Variants in TFB1M observed in about 807,000 individuals in gnomAD.
TFB1M encodes transcription factor B1, mitochondrial, also known as dimethyladenosine transferase 1, mitochondrial.
In TFB1M, 27 loss-of-function variants were observed where a neutral mutation model predicts 31.1. The observed-to-expected ratio is 0.87, with a 90% confidence interval of 0.64 to 1.20. The LOEUF (loss-of-function observed/expected upper bound fraction) is 1.20. TFB1M is among the 50% of genes most tolerant of loss of function. The pLI, the probability that TFB1M is intolerant of heterozygous loss-of-function variation, is 0.00. For synonymous variants in TFB1M, 166 were observed against 151.8 expected, an observed-to-expected ratio of 1.09 and a Z score of -0.69; for missense variants, 394 against 418.7, an observed-to-expected ratio of 0.94 and a Z score of 0.51.
At chr6:155,247,480 C>G in the TFB1M span, among the ~76,000 whole-genome samples, 14 of 152,108 alleles carry the variant, frequency 9.2e-5, no homozygotes. Flanking sequence ...AGGCGCCCAC[C>G]ACCACGCCCG....
At chr6:155,299,278 A>C (rs545498258) in intron 2 of TFB1M, among the ~76,000 whole-genome samples, 74 of 152,274 alleles carry the variant, frequency 4.9e-4, no homozygotes, top group African/African-American at 1.7e-3. Flanking sequence ...CTTTGTGAGC[A>C]AAAAGGGGAA....
At position 155,257,201 on chromosome 6, in the gene TFB1M, A is replaced by C. The variant is rs913535592; in HGVS notation, c.*635T>G. On this transcript the variant is annotated 3_prime_UTR_variant, in exon 7 of 7. Coordinates refer to ENST00000367166, the MANE Select transcript of TFB1M (RefSeq NM_016020.4). ...TAAAGTGGAAATTGCAAAAAAAAAAAAAAAAAAAAACTGTTCATTCCTGGG... is the reference window on the plus strand; with the variant it reads ...TAAAGTGGAAATTGCAAAAAAAAAACAAAAAAAAAACTGTTCATTCCTGGG... 41 of 1,427,254 alleles carry C rather than the reference A, an allele frequency of 2.9e-5. 1 individual carries two copies. Among genetic ancestry groups the C allele is most frequent in the South Asian group, 1.2e-4 (9 of 77,622 alleles). The allele number at this position is 1,427,254 out of a possible 1,614,324, so 88.4% of individuals were successfully genotyped here.
At chr6:155,247,784 C>T in the TFB1M span, among the ~76,000 whole-genome samples, 7 of 152,202 alleles carry the variant, frequency 4.6e-5, no homozygotes, top group Non-Finnish European at 8.8e-5. Context: ...ATTCCATCCT[C>T]GGAAGCTCCC....
chr6:155,291,069 G>C (rs542860647), intron 4 of TFB1M, among the ~76,000 whole-genome samples: 1 of 152,186 alleles, frequency 6.6e-6, no homozygotes, highest in Non-Finnish European at 1.5e-5. Context: ...TTCAATCTGA[G>C]GAGGGGGACA....
At chr6:155,297,250 T>C (rs1193730251) in intron 3 of TFB1M, 146 bp from the exon 4 acceptor site, 5 of 837,238 alleles carry the variant, frequency 6.0e-6, no homozygotes, top group Non-Finnish European at 9.1e-6. Context: ...TTTTCACTTA[T>C]TATTCAAAAG....
chr6:155,298,273 TGAATTA>T (rs1777267415), intron 3 of TFB1M, among the ~76,000 whole-genome samples, 198 bp downstream of exon 3: 1 of 152,150 alleles, frequency 6.6e-6, no homozygotes, highest in African/African-American at 2.4e-5. Context: ...ATGAGACAAA[TGAATTA>T]GAACTAAAAA....
the TFB1M span, among the ~76,000 whole-genome samples, chr6:155,241,921 T>C: frequency 6.6e-6 from 1 of 152,214 alleles, no homozygotes; most frequent in Non-Finnish European, 1.5e-5. Context: ...CATGGAGCTC[T>C]TGCCCCAAGA....
intron 1 of TFB1M, chr6:155,314,001 C>G: frequency 1.1e-6 from 1 of 876,536 alleles, no homozygotes; most frequent in East Asian, 3.7e-5. Flanking sequence ...TTCCAATATT[C>G]ACTAGCGCCT....
At chr6:155,282,508 T>C (rs1776415703) in intron 5 of TFB1M, among the ~76,000 whole-genome samples, 1 of 152,200 alleles carries the variant, frequency 6.6e-6, no homozygotes, top group Admixed American at 6.5e-5. Context: ...GAATAAGTAA[T>C]GAATGTTAGT....
chr6:155,253,758 G>C (rs1783823907), downstream of TFB1M: 2 of 495,596 alleles, frequency 4.0e-6, no homozygotes, highest in South Asian at 6.3e-5. Flanking sequence ...TTCAGATGGA[G>C]GAAAATCTGC....
chr6:155,235,092 C>G, the TFB1M span, among the ~76,000 whole-genome samples: 1 of 152,302 alleles, frequency 6.6e-6, no homozygotes, highest in East Asian at 1.9e-4. Context: ...GGGCCCTGTG[C>G]CATTTAAGGT....
intron 4 of TFB1M, among the ~76,000 whole-genome samples, chr6:155,293,040 T>C (rs1777006384): frequency 6.6e-6 from 1 of 152,062 alleles, no homozygotes; most frequent in African/African-American, 2.4e-5. Flanking sequence ...TAGGGAGCTA[T>C]GTTACCCAGG....
intron 5 of TFB1M, among the ~76,000 whole-genome samples, chr6:155,268,218 T>G (rs1784751998): frequency 6.6e-6 from 1 of 152,168 alleles, no homozygotes; most frequent in African/African-American, 2.4e-5. Context: ...CTGATCTCTT[T>G]AAATCCTCCA....
At position 155,257,271 on chromosome 6, in the gene TFB1M, A is replaced by AAGTT. The variant is rs1356731350; in HGVS notation, c.*561_*564dup. The AAGTT allele has an allele frequency of 6.8e-6, 6 of 882,164 alleles. No individual in the cohort carries two copies. Among genetic ancestry groups the AAGTT allele is most frequent in the Non-Finnish European group, 8.4e-6 (5 of 597,396 alleles). 54.6% of individuals were successfully genotyped at this position (882,164 alleles called of 1,614,324 possible). A position where few individuals can be genotyped will look rare whatever the true frequency, so the allele number is the denominator to read the frequency against. ...TCCCACAAAATGGTTGTAAAGATTT[A>AAGTT]AGTTATTTTAATTTATTGTGGATCA... On this transcript the variant is annotated 3_prime_UTR_variant, in exon 7 of 7. Coordinates refer to ENST00000367166, the MANE Select transcript of TFB1M (RefSeq NM_016020.4).
At chr6:155,312,649 G>C (rs1778063112) in intron 1 of TFB1M, among the ~76,000 whole-genome samples, 1 of 152,076 alleles carries the variant, frequency 6.6e-6, no homozygotes, top group Non-Finnish European at 1.5e-5. Flanking sequence ...TTTCAATCTT[G>C]CTCTCTTCTG....
At chr6:155,270,957 G>A (rs2114698475) in intron 5 of TFB1M, among the ~76,000 whole-genome samples, 1 of 152,290 alleles carries the variant, frequency 6.6e-6, no homozygotes, top group South Asian at 2.1e-4. Flanking sequence ...AGCTTACAAC[G>A]ACTTAGAGAG....
intron 4 of TFB1M, among the ~76,000 whole-genome samples, chr6:155,289,393 G>C (rs1583352826): frequency 6.6e-6 from 1 of 152,242 alleles, no homozygotes; most frequent in African/African-American, 2.4e-5. Flanking sequence ...TGACCTTCTG[G>C]AAGGCATTAA....
chr6:155,312,697 G>A (rs886878298), intron 1 of TFB1M, among the ~76,000 whole-genome samples: 10 of 151,944 alleles, frequency 6.6e-5, no homozygotes, highest in African/African-American at 1.7e-4. Flanking sequence ...CCTCATCTCC[G>A]TTAACTCTGG....
intron 4 of TFB1M, among the ~76,000 whole-genome samples, chr6:155,288,079 G>A (rs1776746411): frequency 6.6e-6 from 1 of 152,066 alleles, no homozygotes; most frequent in South Asian, 2.1e-4. Flanking sequence ...AGCCTGCCGT[G>A]GATGAAAACC....
Sources: gnomAD v4.1 joint callset for allele counts (sites outside exome capture counted in the v4.1 genomes callset) on GRCh38, gnomAD v4.1.1 for gene constraint, MANE v1.5 for transcripts, NCBI Gene and HGNC (gene_info 2026-07-23, HGNC 2026-07-21) for gene names.